The following TRPV3 variants were observed in gnomAD, a reference collection of about 807,000 sequenced individuals.
TRPV3 encodes transient receptor potential cation channel subfamily V member 3.
In TRPV3, 88 loss-of-function variants were observed where a neutral mutation model predicts 87.1. The observed-to-expected ratio is 1.01, with a 90% CI of 0.85 to 1.21. TRPV3 has a LOEUF of 1.21. TRPV3 is among the 50% of genes most tolerant of loss of function. The probability of loss-of-function intolerance (pLI) is 0.00; values close to 1 mark genes in which losing one functional copy is unlikely to be tolerated. For synonymous variants in TRPV3, 438 were observed against 423.3 expected (o/e 1.03, Z -0.43); for missense variants, 1,054 against 1,030.1 (o/e 1.02, Z -0.32).
At chr17:3,522,410 G>A (rs1339455627) in intron 13 of TRPV3, among the ~76,000 whole-genome samples, 6 of 152,170 alleles carry the variant, frequency 3.9e-5, no homozygotes, top group African/African-American at 7.2e-5. Context: ...TATTCTGAGA[G>A]AGACAACATT....
intron 12 of TRPV3, among the ~76,000 whole-genome samples, chr17:3,525,300 G>C (rs569829682): frequency 5.9e-5 from 9 of 152,170 alleles, no homozygotes; most frequent in Non-Finnish European, 1.3e-4. Flanking sequence ...GATTACAGGC[G>C]TGAGCCAACG....
chr17:3,532,581 C>A (rs1443064149), intron 8 of TRPV3, 76 bp downstream of exon 8: 2 of 1,535,024 alleles, frequency 1.3e-6, no homozygotes, highest in East Asian at 2.3e-5. Flanking sequence ...CCCAGTAAGG[C>A]CCCCGGGGCT....
chr17:3,537,559 G>A (rs2074418624), intron 6 of TRPV3, among the ~76,000 whole-genome samples: 1 of 152,140 alleles, frequency 6.6e-6, no homozygotes, highest in African/African-American at 2.4e-5. Flanking sequence ...CCTAATGAAA[G>A]TTAAAGACAA....
At chr17:3,537,562 A>G (rs2074418643) in intron 6 of TRPV3, among the ~76,000 whole-genome samples, 2 of 152,206 alleles carry the variant, frequency 1.3e-5, no homozygotes, top group African/African-American at 4.8e-5. Flanking sequence ...AATGAAAGTT[A>G]AAGACAAGTG....
At chr17:3,525,048 C>T (rs1406211623) in intron 12 of TRPV3, among the ~76,000 whole-genome samples, 2 of 152,152 alleles carry the variant, frequency 1.3e-5, no homozygotes, top group East Asian at 1.9e-4. Context: ...GAGACAGGGT[C>T]TTGCTCTGTC....
chr17:3,519,805 G>A lies in TRPV3; in HGVS notation c.1811-955C>T, dbSNP rs373956806. ...GGATGGATAGCTGGATGGATGGACC[G>A]ATTGATCGATGGATGGATGATTAAA... On this transcript the variant is annotated intron_variant, in intron 14 of 17. Transcript: ENST00000576742. Among the ~76,000 whole-genome samples, 124 of 144,460 alleles carry A rather than the reference G, an allele frequency of 8.6e-4. 1 individual carries two copies. Among genetic ancestry groups the A allele is most frequent in the African/African-American group, 9.9e-4 (38 of 38,204 alleles). 94.8% of individuals were successfully genotyped at this position (144,460 alleles called of 152,430 possible).
In TRPV3 at chr17:3,528,344, A is replaced by C. The variant is rs186160174; in HGVS notation, c.1402-218T>G. Reference sequence around the variant, plus strand: ...CCAGAACTCTACAACGAAGAATATCATCCAATCCGTGCTAACAACCCTCAC... The same window carrying C: ...CCAGAACTCTACAACGAAGAATATCCTCCAATCCGTGCTAACAACCCTCAC... On this transcript the variant is annotated intron_variant, in intron 10 of 17. Coordinates refer to ENST00000576742, the MANE Select transcript of TRPV3 (RefSeq NM_145068.4). This position sits in a 1 kb window ranked among gnomAD's most constrained non-coding sequence, Gnocchi z 4.2. Among the ~76,000 whole-genome samples the C allele has an allele frequency of 6.6e-6, 1 of 152,246 alleles. No homozygotes were observed. The highest frequency in any genetic ancestry group is 1.9e-4 in the East Asian group (1 of 5,176).
At chr17:3,543,679 ATC>A in intron 4 of TRPV3, 51 bp from the exon 5 acceptor site, 2 of 1,603,176 alleles carry the variant, frequency 1.2e-6, no homozygotes, top group Non-Finnish European at 1.7e-6. Flanking sequence ...CTCAAGCTCA[ATC>A]TCTCCTTTTC....
rs914991191 is a variant in TRPV3 at position 3,511,151 on chromosome 17, T to C, written c.*2766A>G. The C allele has an allele frequency of 2.6e-5, 4 of 151,718 alleles. No homozygotes were observed. The East Asian group carries it at 5.8e-4, about 22-fold the overall frequency. 9.4% of individuals were successfully genotyped at this position (151,718 alleles called of 1,614,324 possible). On this transcript the variant is annotated 3_prime_UTR_variant, in exon 18 of 18. Transcript: ENST00000576742. Reference sequence around the variant, plus strand: ...TGATAGACCCACGGGTTCAACGGGGTGTGTGTGGGGGCTGAGGGTGTGTGT... The same window carrying C: ...TGATAGACCCACGGGTTCAACGGGGCGTGTGTGGGGGCTGAGGGTGTGTGT...
At chr17:3,536,552 C>T (rs2074411071) in intron 6 of TRPV3, among the ~76,000 whole-genome samples, 1 of 152,102 alleles carries the variant, frequency 6.6e-6, no homozygotes, top group South Asian at 2.1e-4. Context: ...TGGTCCATTG[C>T]ACTCCAGCCT....
Position 3,526,893 on chromosome 17 carries a change from A to C in TRPV3, c.1538T>G (p.Leu513Arg), listed in dbSNP as rs1463770123. ...IAIFLLRPSD[L>R]QSILSDAWFH... ...CCAGGCATCCGAGAGGATGGACTGC[A>C]GATCCGAGGGTCTCAGCAGGAAGAT... is the stretch of plus-strand genomic sequence containing the variant. The change falls in exon 12 of 18, where the codon CTG (leucine) becomes CGG (arginine). Residue 513 changes from leucine to arginine, a missense_variant. By Grantham distance (102) the Leu-to-Arg change is moderately radical. Coordinates refer to ENST00000576742, the MANE Select transcript of TRPV3 (RefSeq NM_145068.4). The C allele has an allele frequency of 1.9e-6, 3 of 1,612,306 alleles. No individual in the cohort carries two copies. Among genetic ancestry groups the C allele is most frequent in the Middle Eastern group, 1.6e-4 (1 of 6,082 alleles).
chr17:3,521,986 G>T (rs1023867540), intron 13 of TRPV3, among the ~76,000 whole-genome samples: 1 of 152,148 alleles, frequency 6.6e-6, no homozygotes, highest in Non-Finnish European at 1.5e-5. Flanking sequence ...TGAGGCGGGA[G>T]AATTGCTTGA....
At chr17:3,520,908 C>T in intron 14 of TRPV3, 65 bp downstream of exon 14, 1 of 1,154,366 alleles carries the variant, frequency 8.7e-7, no homozygotes, top group South Asian at 1.3e-5. Context: ...ATGCACTTTG[C>T]CATTTTGACA....
chr17:3,528,849 G>A lies in TRPV3; in HGVS notation c.1389C>T (p.Pro463=), dbSNP rs773612915. ...ITLTLVSYYR[P]REEEAIPHPL... ...GGGGCCCACGTACCTCCTCCTCCCGGGGGCGGTAGTACGAGACGAGGGTCA... is the reference window on the plus strand; with the variant it reads ...GGGGCCCACGTACCTCCTCCTCCCGAGGGCGGTAGTACGAGACGAGGGTCA... Residue 463 remains proline (P), a synonymous_variant, in exon 10 of 18, where the codon CCC becomes CCT. Transcript: ENST00000576742. The surrounding 1 kb of genome is among the most constrained non-coding windows in gnomAD (Gnocchi z 4.2). 3.1e-6 allele frequency: 5 copies of A among 1,614,054 alleles called. No homozygotes were observed. Among genetic ancestry groups the A allele is most frequent in the Non-Finnish European group, 4.2e-6 (5 of 1,180,018 alleles).
intron 2 of TRPV3, 171 bp downstream of exon 2, chr17:3,554,561 G>A: frequency 5.2e-6 from 3 of 572,942 alleles, no homozygotes; most frequent in East Asian, 5.9e-5. Context: ...TGAGTGTGCT[G>A]TGCTCCCCAC....
At chr17:3,520,183 A>T (rs1254993757) in intron 14 of TRPV3, among the ~76,000 whole-genome samples, 3 of 152,220 alleles carry the variant, frequency 2.0e-5, no homozygotes, top group Non-Finnish European at 4.4e-5. Flanking sequence ...GAAAAGAAAA[A>T]AAAGCAACTG....
At chr17:3,538,234 A>G (rs997611628) in intron 6 of TRPV3, among the ~76,000 whole-genome samples, 16 of 152,116 alleles carry the variant, frequency 1.1e-4, no homozygotes, top group African/African-American at 3.9e-4. Flanking sequence ...AGTCTATAAT[A>G]TATTACAAGC....
At chr17:3,546,799 T>C (rs2074530356) in intron 2 of TRPV3, 1 of 404,782 alleles carries the variant, frequency 2.5e-6, no homozygotes, top group African/African-American at 2.1e-5. Flanking sequence ...CAAAACCCTG[T>C]GTCTACTAAA....
chr17:3,548,519 G>A (rs1313534264), intron 2 of TRPV3, among the ~76,000 whole-genome samples: 2 of 152,226 alleles, frequency 1.3e-5, no homozygotes, highest in Non-Finnish European at 2.9e-5. Context: ...TTCCTGGGGT[G>A]GGGCAAGCAG....
Sources: gnomAD v4.1 joint callset for allele counts (sites outside exome capture counted in the v4.1 genomes callset) on GRCh38, gnomAD v4.1.1 for gene constraint, Gnocchi (gnomAD v3.1) non-coding constraint, MANE v1.5 for transcripts, NCBI Gene and HGNC (gene_info 2026-07-23, HGNC 2026-07-21) for gene names.